Variants in GLRA1 observed in about 807,000 individuals in gnomAD.
GLRA1 encodes the protein glycine receptor alpha 1, also known as glycine receptor subunit alpha-1.
In GLRA1, 37 loss-of-function variants were observed where a neutral mutation model predicts 48.3. That is an observed-to-expected ratio of 0.77 (90% CI 0.59 to 1.01). GLRA1 has a LOEUF of 1.01. Ranked by LOEUF, GLRA1 falls within the 50% of genes least tolerant of loss-of-function variation. The pLI is 0.00. For synonymous variants in GLRA1, 196 were observed against 210.7 expected, an observed-to-expected ratio of 0.93 and a Z score of 0.60; for missense variants, 427 against 571.0, an observed-to-expected ratio of 0.75 and a Z score of 2.57.
At chr5:151,847,338 C>T (rs1367218052) in intron 7 of GLRA1, among the ~76,000 whole-genome samples, 2 of 152,110 alleles carry the variant, frequency 1.3e-5, no homozygotes, top group Non-Finnish European at 2.9e-5. Context: ...AATGAAGTAT[C>T]AAGTATTAAT....
chr5:151,858,694 C>T (rs1026273075), intron 4 of GLRA1, among the ~76,000 whole-genome samples: 8 of 151,986 alleles, frequency 5.3e-5, no homozygotes, highest in African/African-American at 1.9e-4. Flanking sequence ...CAGGAAAGAC[C>T]GAGTTCAGTC....
intron 2 of GLRA1, among the ~76,000 whole-genome samples, chr5:151,887,219 G>T (rs111720597): frequency 1.3e-5 from 2 of 152,314 alleles, no homozygotes; most frequent in African/African-American, 4.8e-5. Flanking sequence ...AAGAATGATT[G>T]TCTGAAAGGC....
At chr5:151,888,768 G>C (rs994753823) in intron 2 of GLRA1, among the ~76,000 whole-genome samples, 30 of 152,218 alleles carry the variant, frequency 2.0e-4, no homozygotes, top group Admixed American at 2.0e-3. Context: ...CTGTAGACCA[G>C]CTACCCATTC....
chr5:151,851,395 G>A lies in GLRA1; in HGVS notation c.907C>T (p.Pro303Ser). 1.2e-6 allele frequency: 2 copies of A among 1,610,606 alleles called. No homozygotes were observed. Among genetic ancestry groups the A allele is most frequent in the Non-Finnish European group, 1.7e-6 (2 of 1,177,522 alleles). ...TQSSGSRASL[P>S]KVSYVKAIDI... ...TCTTGGGCAATGGGACTTACCTTGG[G>A]CAGAGATGCTCGAGAGCCGGAGCTC... Residue 303 changes from proline to serine, a missense_variant, in exon 7 of 9, where the codon CCC becomes TCC. Coordinates refer to ENST00000274576, the MANE Select transcript of GLRA1 (RefSeq NM_000171.4).
chr5:151,827,955 C>T (rs1581596502), intron 8 of GLRA1, among the ~76,000 whole-genome samples: 1 of 152,138 alleles, frequency 6.6e-6, no homozygotes, highest in African/African-American at 2.4e-5. Context: ...ATACTTATTG[C>T]ATGCTCACTA....
chr5:151,882,894 G>A (rs1753793438), intron 3 of GLRA1, among the ~76,000 whole-genome samples: 1 of 152,102 alleles, frequency 6.6e-6, no homozygotes, highest in Non-Finnish European at 1.5e-5. Context: ...TAAGTGAAAT[G>A]ACATATAGCA....
At chr5:151,836,357 A>G (rs1314680878) in intron 7 of GLRA1, among the ~76,000 whole-genome samples, 1 of 152,254 alleles carries the variant, frequency 6.6e-6, no homozygotes, top group Non-Finnish European at 1.5e-5. Flanking sequence ...GGAAGAATTA[A>G]TATTGTGAAA....
At chr5:151,909,330 C>G (rs1754552845) in intron 1 of GLRA1, among the ~76,000 whole-genome samples, 1 of 152,182 alleles carries the variant, frequency 6.6e-6, no homozygotes, top group African/African-American at 2.4e-5. Flanking sequence ...TACCCAAAGG[C>G]ACCATCTTTT....
chr5:151,838,359 C>T (rs2113310040), intron 7 of GLRA1, among the ~76,000 whole-genome samples: 1 of 152,150 alleles, frequency 6.6e-6, no homozygotes, highest in East Asian at 1.9e-4. Context: ...ATCCCAGCTA[C>T]TCGGGAGGCT....
At chr5:151,864,957 G>T (rs1489081958) in intron 3 of GLRA1, among the ~76,000 whole-genome samples, 1 of 152,126 alleles carries the variant, frequency 6.6e-6, no homozygotes, top group Non-Finnish European at 1.5e-5. Context: ...GAGGGGAAAG[G>T]TATTTCCTAA....
chr5:151,910,025 C>T (rs1418208873), intron 1 of GLRA1, among the ~76,000 whole-genome samples: 1 of 152,144 alleles, frequency 6.6e-6, no homozygotes, highest in East Asian at 1.9e-4. Flanking sequence ...TATAATATAA[C>T]TCTAGCCTTC....
chr5:151,922,203 G>A (rs1398397381), intron 1 of GLRA1, among the ~76,000 whole-genome samples: 2 of 152,164 alleles, frequency 1.3e-5, no homozygotes, highest in African/African-American at 4.8e-5. Context: ...ATCCCCTGGG[G>A]AAGAAGGGTT....
chr5:151,882,222 T>C (rs1428160), intron 3 of GLRA1, among the ~76,000 whole-genome samples: 90,137 of 152,018 alleles, frequency 0.59, 26,865 homozygotes, highest in East Asian at 0.69. Context: ...GCTTAGGAGA[T>C]CACGCACTGA....
At position 151,892,407 on chromosome 5, in the gene GLRA1, G is replaced by A. The variant is rs369873008; in HGVS notation, c.88C>T (p.Arg30Cys). ...GGTGACATAGGCTTGGGTGCGGAGCGAGCAGCTTCAGCCTCCTTAGAAGCA... is the reference window on the plus strand; with the variant it reads ...GGTGACATAGGCTTGGGTGCGGAGCAAGCAGCTTCAGCCTCCTTAGAAGCA... Reference protein sequence around the residue: ...LAASKEAEAARSAPKPMSPSD... With the variant: ...LAASKEAEAACSAPKPMSPSD... The change falls in exon 2 of 9, where the codon CGC becomes TGC. Residue 30 changes from arginine (R) to cysteine (C), a missense_variant. By Grantham distance (180) the Arg-to-Cys change is radical. Transcript: ENST00000274576. 1.9e-6 allele frequency: 3 copies of A among 1,613,862 alleles called. No homozygotes were observed. Among genetic ancestry groups the A allele is most frequent in the Admixed American group, 1.7e-5 (1 of 59,994 alleles).
At chr5:151,827,922 C>T (rs1763318713) in intron 8 of GLRA1, among the ~76,000 whole-genome samples, 2 of 152,098 alleles carry the variant, frequency 1.3e-5, no homozygotes, top group African/African-American at 4.8e-5. Context: ...TTTTGTTTAT[C>T]CCTTTGTTCA....
chr5:151,909,185 C>T (rs1196398982), intron 1 of GLRA1, among the ~76,000 whole-genome samples: 1 of 151,974 alleles, frequency 6.6e-6, no homozygotes, highest in Non-Finnish European at 1.5e-5. Context: ...GGAGAAGGGT[C>T]GAGAGTCACA....
intron 7 of GLRA1, among the ~76,000 whole-genome samples, chr5:151,836,668 C>G (rs1343262166): frequency 2.0e-5 from 3 of 151,894 alleles, no homozygotes; most frequent in African/African-American, 7.2e-5. Context: ...CTATAACCAT[C>G]TGATCTTGAC....
rs781595450 is a variant in GLRA1, at chr5:151,823,034, C to G, written c.1060-71G>C. ...CTAGGCACCCTCCCTGCAAGGCACT[C>G]CCTTGGGGGCCAGGCCATGCCTATC... On this transcript the variant is annotated intron_variant, in intron 8 of 8. Transcript: ENST00000274576. The G allele has an allele frequency of 5.1e-5, 69 of 1,344,384 alleles. No individual in the cohort carries two copies. The African/African-American group carries it at 8.6e-4, about 17-fold the overall frequency. 83.3% of individuals were successfully genotyped at this position (1,344,384 alleles called of 1,614,324 possible).
chr5:151,822,720 A>G lies in GLRA1; in HGVS notation c.1303T>C (p.Trp435Arg), dbSNP rs751368776. 4 of 1,613,862 alleles carry G rather than the reference A, an allele frequency of 2.5e-6. No homozygotes were observed. Among genetic ancestry groups the G allele is most frequent in the South Asian group, 1.1e-5 (1 of 91,084 alleles). Residue 435 changes from tryptophan to arginine, a missense_variant, in exon 9 of 9, where the codon TGG becomes CGG. Trp to Arg is a moderately radical substitution (Grantham distance 101, BLOSUM62 -3). Coordinates refer to ENST00000274576, the MANE Select transcript of GLRA1 (RefSeq NM_000171.4). ...CTACGGACAATCTTGTAGATGATCC[A>G]GTAGAACATGTTGAAAATGAGGAAG... ...MAFLIFNMFY[W>R]IIYKIVRRED...
Sources: gnomAD v4.1 joint callset for allele counts (sites outside exome capture counted in the v4.1 genomes callset) on GRCh38, gnomAD v4.1.1 for gene constraint, MANE v1.5 for transcripts, NCBI Gene and HGNC (gene_info 2026-07-23, HGNC 2026-07-21) for gene names.